The following TRPM3 variants were observed in gnomAD, a reference collection of about 807,000 sequenced individuals.
The protein encoded by TRPM3 is transient receptor potential cation channel subfamily M member 3.
TRPM3 carries 77 observed loss-of-function variants against 181.2 expected under a neutral mutation model. The observed-to-expected ratio is 0.42, with a 90% CI of 0.35 to 0.51. TRPM3 has a LOEUF of 0.51. Among genes scored for constraint, TRPM3 ranks in the 20% least tolerant of loss-of-function variants. The pLI is 0.01. For synonymous variants in TRPM3, 745 were observed against 796.4 expected (o/e 0.94, Z 1.09); for missense variants, 1,759 against 2,196.7 (o/e 0.80, Z 3.98).
At chr9:71,440,302 T>G (rs2094118761) in intron 1 of TRPM3, among the ~76,000 whole-genome samples, 1 of 152,176 alleles carries the variant, frequency 6.6e-6, no homozygotes, top group Admixed American at 6.5e-5. Context: ...CCAATCTAGA[T>G]CTGCTCAGTT....
At chr9:71,234,942 C>T (rs2081274456) in intron 1 of TRPM3, among the ~76,000 whole-genome samples, 2 of 152,210 alleles carry the variant, frequency 1.3e-5, no homozygotes, top group African/African-American at 4.8e-5. Context: ...CATTTCTTAT[C>T]TATCCTACAT....
chr9:70,687,529 A>T (rs1330348966), intron 8 of TRPM3, among the ~76,000 whole-genome samples: 2 of 152,098 alleles, frequency 1.3e-5, no homozygotes, highest in Admixed American at 1.3e-4. Flanking sequence ...ATCCCAAAAA[A>T]CTCAACATCA....
At chr9:71,023,561 G>A (rs533694049) in intron 1 of TRPM3, among the ~76,000 whole-genome samples, 50 of 152,034 alleles carry the variant, frequency 3.3e-4, no homozygotes, top group Non-Finnish European at 6.9e-4. Context: ...ATTCATAAGA[G>A]CCCCAAAGTG....
chr9:71,236,617 A>G (rs12337266), intron 1 of TRPM3, among the ~76,000 whole-genome samples: 64,862 of 152,112 alleles, frequency 0.43, 14,277 homozygotes, highest in East Asian at 0.52. Flanking sequence ...GTCATAAGAG[A>G]TAAGATACAC....
At chr9:70,874,628 G>A (rs1182039342) in intron 1 of TRPM3, among the ~76,000 whole-genome samples, 3 of 151,918 alleles carry the variant, frequency 2.0e-5, no homozygotes, top group Non-Finnish European at 4.4e-5. Flanking sequence ...TTCTGATTTT[G>A]TTAGCAGCCA....
chr9:70,898,763 A>AAAAG (rs1564715707), intron 1 of TRPM3, among the ~76,000 whole-genome samples: 2 of 141,650 alleles, frequency 1.4e-5, no homozygotes, highest in African/African-American at 5.3e-5. Context: ...AAAAAAAAAA[A>AAAAG]AAAGAAAAGA....
At chr9:71,228,554 A>G (rs1342924260) in intron 1 of TRPM3, among the ~76,000 whole-genome samples, 3 of 152,190 alleles carry the variant, frequency 2.0e-5, no homozygotes, top group Admixed American at 1.3e-4. Flanking sequence ...TGCAGATGAT[A>G]AAATCTTCTA....
intron 6 of TRPM3, among the ~76,000 whole-genome samples, chr9:70,805,340 C>T (rs1290363035): frequency 6.6e-6 from 1 of 151,740 alleles, no homozygotes; most frequent in Non-Finnish European, 1.5e-5. Context: ...TCGAGACCAT[C>T]CTGGCTAACA....
intron 1 of TRPM3, among the ~76,000 whole-genome samples, chr9:71,142,396 A>G (rs2075158198): frequency 6.6e-6 from 1 of 152,166 alleles, no homozygotes; most frequent in Admixed American, 6.5e-5. Flanking sequence ...ACACAGAAGG[A>G]AAGTAGGGAA....
At chr9:70,878,827 C>A (rs1172440754) in intron 1 of TRPM3, among the ~76,000 whole-genome samples, 1 of 151,984 alleles carries the variant, frequency 6.6e-6, no homozygotes, top group African/African-American at 2.4e-5. Flanking sequence ...GATTCATAGG[C>A]CCCCAACGGA....
At position 71,340,329 on chromosome 9, in the gene TRPM3, A is replaced by G. The variant is rs112964043; in HGVS notation, c.183+106324T>C. 5.8e-3 allele frequency among the ~76,000 whole-genome samples: 882 copies of G among 152,252 alleles called. 14 individuals are homozygous for G. Among genetic ancestry groups the G allele is most frequent in the African/African-American group, 0.02 (845 of 41,564 alleles). On this transcript the variant is annotated intron_variant, in intron 1 of 24. Coordinates refer to the TRPM3 transcript ENST00000357533. ...ATGCATATAGCTAAATACAGAGATC[A>G]GTATGTGTGTGAATGCATGGATTGG...
At chr9:70,772,603 G>A (rs535928869) in intron 7 of TRPM3, among the ~76,000 whole-genome samples, 5 of 152,314 alleles carry the variant, frequency 3.3e-5, no homozygotes, top group South Asian at 2.1e-4. Context: ...GATTACAAGC[G>A]TGAGCCACCA....
rs112890907 is a variant in TRPM3 at position 70,912,358 on chromosome 9, T to C, written c.178-47847A>G. 1.2e-4 allele frequency among the ~76,000 whole-genome samples: 19 copies of C among 152,210 alleles called. 2 individuals are homozygous for C. Reference sequence around the variant, plus strand: ...AAAATTGCAGAACAAAACAGCCCTTTTATGGATCAAACATTATGTTTGGGA... The same window carrying C: ...AAAATTGCAGAACAAAACAGCCCTTCTATGGATCAAACATTATGTTTGGGA... On this transcript the variant is annotated intron_variant, in intron 1 of 25. Transcript: ENST00000677713.
chr9:71,028,722 C>T (rs955359996), intron 1 of TRPM3, among the ~76,000 whole-genome samples: 20 of 151,796 alleles, frequency 1.3e-4, no homozygotes, highest in Non-Finnish European at 2.6e-4. Flanking sequence ...AAGGGCATTC[C>T]ATAAGGGTAA....
chr9:71,176,831 G>A (rs554701182), intron 1 of TRPM3, among the ~76,000 whole-genome samples: 1 of 152,162 alleles, frequency 6.6e-6, no homozygotes, highest in South Asian at 2.1e-4. Context: ...TAACCGTTGT[G>A]TTACAGTTGC....
chr9:70,649,853 A>G (rs1047840713), intron 9 of TRPM3, among the ~76,000 whole-genome samples: 1 of 152,194 alleles, frequency 6.6e-6, no homozygotes, highest in Admixed American at 6.5e-5. Context: ...ATAAAGACAC[A>G]TGCACATGAA....
intron 1 of TRPM3, among the ~76,000 whole-genome samples, chr9:71,098,824 GT>G (rs2067782702): frequency 1.3e-5 from 2 of 152,108 alleles, no homozygotes; most frequent in Non-Finnish European, 2.9e-5. Flanking sequence ...GGAAATTTCA[GT>G]GGCCAGTGAA....
At chr9:70,581,399 T>C (rs138014302) in intron 22 of TRPM3, among the ~76,000 whole-genome samples, 340 of 152,390 alleles carry the variant, frequency 2.2e-3, no homozygotes, top group South Asian at 5.2e-3. Flanking sequence ...GTCTGATATC[T>C]AGCCGCAGGA....
intron 6 of TRPM3, among the ~76,000 whole-genome samples, chr9:70,820,027 A>G (rs891132711): frequency 6.6e-6 from 1 of 152,218 alleles, no homozygotes; most frequent in South Asian, 2.1e-4. Context: ...GTCAATTCAT[A>G]TTCAGCTCAA....
Sources: gnomAD v4.1 joint callset for allele counts (sites outside exome capture counted in the v4.1 genomes callset) on GRCh38, gnomAD v4.1.1 for gene constraint, MANE v1.5 for transcripts, NCBI Gene and HGNC (gene_info 2026-07-23, HGNC 2026-07-21) for gene names.